The following MTPN variants were observed in gnomAD, a reference collection of about 807,000 sequenced individuals.
MTPN encodes myotrophin, also known as granule cell differentiation protein.
A neutral mutation model predicts 13.5 loss-of-function variants in MTPN; 2 were observed. That is an observed-to-expected ratio of 0.15 (90% CI 0.06 to 0.47). The LOEUF is 0.47. MTPN is among the 20% of genes least tolerant of loss of function. The probability of loss-of-function intolerance (pLI) is 0.97; values close to 1 mark genes in which losing one functional copy is unlikely to be tolerated. For missense variants in MTPN, 79 were observed against 137.9 expected, an observed-to-expected ratio of 0.57 and a Z score of 2.14; for synonymous variants, 46 against 51.7, an observed-to-expected ratio of 0.89 and a Z score of 0.48.
chr7:135,974,369 TC>T (rs1473051111), intron 1 of MTPN, among the ~76,000 whole-genome samples: 2 of 152,070 alleles, frequency 1.3e-5, no homozygotes, highest in Non-Finnish European at 2.9e-5. Flanking sequence ...CAAAGTGAGA[TC>T]CAGTCTCTAC....
rs1376049745 is a variant in MTPN at position 135,928,119 on chromosome 7, G to C, written c.*1807C>G. On this transcript the variant is annotated 3_prime_UTR_variant, in exon 4 of 4. Transcript: ENST00000393085. ...GTGATGTAATAAAGTACTGATTACTGATTTTTAACCCAACTCTTAATAGGC... is the reference window on the plus strand; with the variant it reads ...GTGATGTAATAAAGTACTGATTACTCATTTTTAACCCAACTCTTAATAGGC... 5.9e-6 allele frequency: 1 copy of C among 169,922 alleles called. No individual in the cohort carries two copies. Among genetic ancestry groups the C allele is most frequent in the Non-Finnish European group, 1.4e-5 (1 of 70,188 alleles). 10.5% of individuals were successfully genotyped at this position (169,922 alleles called of 1,614,324 possible).
At chr7:135,948,489 C>T (rs572445116) in intron 3 of MTPN, among the ~76,000 whole-genome samples, 1 of 152,070 alleles carries the variant, frequency 6.6e-6, no homozygotes, top group African/African-American at 2.4e-5. Flanking sequence ...AAAAGTAAGA[C>T]AACTCACAAT....
chr7:135,933,664 AC>A (rs1397242356), intron 3 of MTPN, among the ~76,000 whole-genome samples: 74 of 152,230 alleles, frequency 4.9e-4, no homozygotes, highest in African/African-American at 1.6e-3. Context: ...CAATATTGCA[AC>A]CCTATGCAAT....
intron 1 of MTPN, among the ~76,000 whole-genome samples, chr7:135,962,736 G>T (rs1294428750): frequency 2.0e-5 from 3 of 151,882 alleles, no homozygotes; most frequent in East Asian, 3.9e-4. Context: ...GCTTGGTGGG[G>T]ATTATTCACT....
rs183830406 is a variant in MTPN at position 135,963,776 on chromosome 7, T to C, written c.73-12146A>G. Among the ~76,000 whole-genome samples the C allele has an allele frequency of 1.3e-3, 196 of 152,146 alleles. 1 individual carries two copies. Among genetic ancestry groups the C allele is most frequent in the African/African-American group, 4.6e-3 (192 of 41,542 alleles). On this transcript the variant is annotated intron_variant, in intron 1 of 3. Coordinates refer to ENST00000393085, the MANE Select transcript of MTPN (RefSeq NM_145808.4). ...CCACCTATACATTTACTTGGAATCT[T>C]CAACTTAGGCATTTTTTTCTTTCAA...
chr7:135,944,430 C>G (rs1473994575), intron 3 of MTPN, among the ~76,000 whole-genome samples: 5 of 152,046 alleles, frequency 3.3e-5, no homozygotes, highest in Admixed American at 3.3e-4. Context: ...AATCCCAGCA[C>G]TTTGGGAGGC....
At chr7:135,930,390 T>C (rs1297770408) in intron 3 of MTPN, among the ~76,000 whole-genome samples, 2 of 152,242 alleles carry the variant, frequency 1.3e-5, no homozygotes, top group Admixed American at 6.5e-5. Context: ...AGTATTCCTG[T>C]GACAAATTAT....
intron 1 of MTPN, among the ~76,000 whole-genome samples, chr7:135,965,305 C>CT (rs1799588574): frequency 6.6e-6 from 1 of 152,028 alleles, no homozygotes; most frequent in Admixed American, 6.6e-5. Flanking sequence ...AGATACAAAA[C>CT]TGAGGTTTGA....
At chr7:135,974,494 G>A (rs1325610025) in intron 1 of MTPN, among the ~76,000 whole-genome samples, 1 of 152,050 alleles carries the variant, frequency 6.6e-6, no homozygotes, top group Non-Finnish European at 1.5e-5. Context: ...GGGCGACAAA[G>A]CAAAGACCCT....
intron 1 of MTPN, 78 bp downstream of exon 1, chr7:135,976,949 AGT>A: frequency 6.2e-6 from 2 of 324,868 alleles, no homozygotes; most frequent in East Asian, 8.5e-5. Flanking sequence ...CCATCCCCGC[AGT>A]CCAGCTCCCA....
At chr7:135,950,909 C>T (rs1799355768) in intron 2 of MTPN, among the ~76,000 whole-genome samples, 1 of 152,130 alleles carries the variant, frequency 6.6e-6, no homozygotes, top group South Asian at 2.1e-4. Flanking sequence ...GGGAGCAGGG[C>T]TTTGACCTCA....
chr7:135,952,208 C>A (rs1303291252), intron 1 of MTPN, among the ~76,000 whole-genome samples: 1 of 152,060 alleles, frequency 6.6e-6, no homozygotes, highest in African/African-American at 2.4e-5. Context: ...GGTTGGGGGG[C>A]AGATATTAAT....
rs1799788632 is a variant in MTPN at position 135,977,081 on chromosome 7, A to G, written c.20T>C (p.Met7Thr). 1 of 1,613,900 alleles carries G rather than the reference A, an allele frequency of 6.2e-7. No individual in the cohort carries two copies. ...CAAGTCTCCGTTTTTCAGGGCCCAC[A>G]TGAACTCCTTGTCGCACATCACTGC... MCDKEF[M>T]WALKNGDLDE... Residue 7 changes from methionine to threonine, a missense_variant, in exon 1 of 4, where the codon ATG (methionine) becomes ACG (threonine). By Grantham distance (81) the Met-to-Thr change is moderately conservative. Transcript: ENST00000393085.
At position 135,927,999 on chromosome 7, in the gene MTPN, A is replaced by C; in HGVS notation, c.*1927T>G. ...TAGCATTATGTCAAGAGGTGAAAAC[A>C]AAGGTATCAAAACACCCTGTTGCAC... is the stretch of plus-strand genomic sequence containing the variant. On this transcript the variant is annotated 3_prime_UTR_variant, in exon 4 of 4. Coordinates refer to ENST00000393085, the MANE Select transcript of MTPN (RefSeq NM_145808.4). The C allele has an allele frequency of 3.7e-6, 1 of 270,576 alleles. No homozygotes were observed. The allele number at this position is 270,576 out of a possible 1,614,324, so 16.8% of individuals were successfully genotyped here.
chr7:135,934,003 T>G (rs777638045), intron 3 of MTPN, among the ~76,000 whole-genome samples: 1 of 152,130 alleles, frequency 6.6e-6, no homozygotes, highest in African/African-American at 2.4e-5. Context: ...CCCCTTTGCC[T>G]CCTGCCAGGA....
At chr7:135,952,469 C>T (rs1489256668) in intron 1 of MTPN, among the ~76,000 whole-genome samples, 2 of 152,164 alleles carry the variant, frequency 1.3e-5, no homozygotes, top group Non-Finnish European at 2.9e-5. Context: ...CTTCAAACTA[C>T]CCCAAGAAGA....
chr7:135,972,231 G>GTGCGCACACACACACA (rs1799706819), intron 1 of MTPN, among the ~76,000 whole-genome samples: 1 of 124,700 alleles, frequency 8.0e-6, no homozygotes, highest in African/African-American at 3.0e-5. Context: ...GCACGCGCGC[G>GTGCGCACACACACACA]CACACACACA....
chr7:135,959,728 C>A lies in MTPN; in HGVS notation c.73-8098G>T, dbSNP rs570470797. 2.2e-4 allele frequency among the ~76,000 whole-genome samples: 34 copies of A among 151,968 alleles called. No individual in the cohort carries two copies. The East Asian group carries it at 6.0e-3, about 27-fold the overall frequency. On this transcript the variant is annotated intron_variant, in intron 1 of 3. Coordinates refer to ENST00000393085, the MANE Select transcript of MTPN (RefSeq NM_145808.4). ...GTTTAATATATGCCACCTGGCTATC[C>A]CCACTGAGTTATTTGCTTTTTTAAC... is the stretch of plus-strand genomic sequence containing the variant.
rs991504678 is a variant in MTPN, at chr7:135,927,812, T to A, written c.*2114A>T. The A allele has an allele frequency of 1.2e-5, 5 of 429,152 alleles. No individual in the cohort carries two copies. The highest frequency in any genetic ancestry group is 2.3e-5 in the Non-Finnish European group (5 of 214,164). 26.6% of individuals were successfully genotyped at this position (429,152 alleles called of 1,614,324 possible). On this transcript the variant is annotated 3_prime_UTR_variant, in exon 4 of 4. Coordinates refer to ENST00000393085, the MANE Select transcript of MTPN (RefSeq NM_145808.4). ...TACTGCATTACAAGCAACATCAGGA[T>A]AAACTGTACAAAGAATCACATGGTT...
Sources: gnomAD v4.1 joint callset for allele counts (sites outside exome capture counted in the v4.1 genomes callset) on GRCh38, gnomAD v4.1.1 for gene constraint, MANE v1.5 for transcripts, NCBI Gene and HGNC (gene_info 2026-07-23, HGNC 2026-07-21) for gene names.